The following ZC3H18 variants were observed in gnomAD, a reference collection of about 807,000 sequenced individuals.
ZC3H18 encodes zinc finger CCCH-type containing 18, also known as zinc finger CCCH domain-containing protein 18.
In ZC3H18, 8 loss-of-function variants were observed where a neutral mutation model predicts 106.1. The ratio of observed to expected loss-of-function variants is 0.08; its 90% CI spans 0.04 to 0.14. ZC3H18 has a LOEUF of 0.14. Among genes scored for constraint, ZC3H18 ranks in the 10% least tolerant of loss-of-function variants. The pLI, the probability that ZC3H18 is intolerant of heterozygous loss-of-function variation, is 1.00. For missense variants in ZC3H18, 1,318 were observed against 1,278.4 expected (o/e 1.03, Z -0.47); for synonymous variants, 635 against 522.1 (o/e 1.22, Z -2.95).
chr16:88,586,807 A>AGGT (rs113134808), intron 3 of ZC3H18, 123 bp downstream of exon 3: 33,868 of 492,620 alleles, frequency 0.069, 1,024 homozygotes, highest in African/African-American at 0.091. Flanking sequence ...ATTACTGGCT[A>AGGT]GGTGGTGGTG....
chr16:88,631,111 C>T lies in ZC3H18; in HGVS notation c.2674C>T (p.Leu892=), dbSNP rs1476909000. The T allele has an allele frequency of 2.5e-6, 4 of 1,612,192 alleles. No individual in the cohort carries two copies. Among genetic ancestry groups the T allele is most frequent in the Non-Finnish European group, 2.5e-6 (3 of 1,180,012 alleles). ...CCCACCCCCTTGTAGGAAGCGCCAG[C>T]TGTCACCCCAGTCCAAGAGCTCCAG... is the stretch of plus-strand genomic sequence containing the variant. The part of the protein sequence containing the change: ...PAAPADRKRQ[L]SPQSKSSSKV... Residue 892 remains leucine, a synonymous_variant, in exon 18 of 18, where the codon CTG becomes TTG. Coordinates refer to ENST00000301011, the MANE Select transcript of ZC3H18 (RefSeq NM_144604.4).
rs117650500 is a variant in ZC3H18 at position 88,574,248 on chromosome 16, C to T, written c.-14-2862C>T. 7.5e-3 allele frequency among the ~76,000 whole-genome samples: 1,147 copies of T among 151,980 alleles called. 22 individuals are homozygous for T. The highest frequency in any genetic ancestry group is 0.011 in the Non-Finnish European group (729 of 67,886). On this transcript the variant is annotated intron_variant, in intron 1 of 17. Transcript: ENST00000301011. ...TTGAGACGGAGTCTCGCTTAGCCAC[C>T]ACCTAGGCTGGAGTGCAGTGGTGTG...
rs777106496 is a variant in ZC3H18 at position 88,611,488 on chromosome 16, GGGAGAA to G, written c.1436_1441del (p.Glu479_Lys480del). ...CGTGACCGCGACCGGGAGAAGGAGC[GGGAGAA>G]GGAGAAGGGGAAGCCCAAGCCCCGC... On this transcript the variant is annotated inframe_deletion, in exon 8 of 18. Transcript: ENST00000301011. 8.6e-5 allele frequency: 133 copies of G among 1,550,722 alleles called. 1 individual carries two copies. Among genetic ancestry groups the G allele is most frequent in the South Asian group, 2.0e-4 (17 of 84,022 alleles).
rs534441322 is a variant in ZC3H18 at position 88,574,284 on chromosome 16, A to G, written c.-14-2826A>G. ...GAGTGCAGTGGTGTGATCTCGGCTC[A>G]CTGCAACCACTGTCTCCCAGGTTCA... On this transcript the variant is annotated intron_variant, in intron 1 of 17. Transcript: ENST00000301011. Among the ~76,000 whole-genome samples the G allele has an allele frequency of 1.1e-4, 16 of 151,568 alleles. 2 individuals carry two copies. The South Asian group carries it at 2.1e-3, about 20-fold the overall frequency.
At chr16:88,598,828 G>T (rs1161717593) in intron 5 of ZC3H18, 116 bp downstream of exon 5, 2 of 870,770 alleles carry the variant, frequency 2.3e-6, no homozygotes. Context: ...GAAGTTAGGC[G>T]TCTGTTTCTG....
intron 3 of ZC3H18, among the ~76,000 whole-genome samples, 195 bp from the exon 4 acceptor site, chr16:88,597,983 G>C (rs918246951): frequency 6.6e-6 from 1 of 152,196 alleles, no homozygotes; most frequent in Admixed American, 6.5e-5. Flanking sequence ...GCCGTGCCTG[G>C]GCAGGTGCAG....
In ZC3H18 at chr16:88,623,302, G is replaced by C; in HGVS notation, c.1751G>C (p.Ser584Thr). 1 of 1,613,814 alleles carries C rather than the reference G, an allele frequency of 6.2e-7. No individual in the cohort carries two copies. Among genetic ancestry groups the C allele is most frequent in the Non-Finnish European group, 8.5e-7 (1 of 1,179,982 alleles). The change falls in exon 10 of 18, where the codon AGC becomes ACC. Residue 584 changes from serine to threonine, a missense_variant. Physicochemically the swap from Ser to Thr is moderately conservative, Grantham distance 58 (BLOSUM62 1). This residue lies in a region of ZC3H18 where 848 missense variants were observed against 821.7 expected (regional missense o/e 1.03). Coordinates refer to ENST00000301011, the MANE Select transcript of ZC3H18 (RefSeq NM_144604.4). ...TCTTCATCCTACAGCTCCTACTCCA[G>C]CCGCTCTTCCAGACACAGCTCGTTC... ...SRSSSYSSYS[S>T]RSSRHSSFSG... is the part of the protein sequence containing the mutation.
intron 8 of ZC3H18, among the ~76,000 whole-genome samples, chr16:88,613,237 A>G (rs1185632529): frequency 6.6e-6 from 1 of 152,148 alleles, no homozygotes; most frequent in Non-Finnish European, 1.5e-5. Flanking sequence ...GATGCACCGC[A>G]TTGCATTTCT....
chr16:88,613,141 A>G (rs924690632), intron 8 of ZC3H18, among the ~76,000 whole-genome samples: 20 of 152,234 alleles, frequency 1.3e-4, no homozygotes, highest in African/African-American at 4.8e-4. Context: ...TGCAATACAC[A>G]GCGTTTTGTA....
Position 88,577,528 on chromosome 16 carries a change from T to G in ZC3H18, c.405T>G (p.Pro135=), listed in dbSNP as rs1424907537. 6.2e-7 allele frequency: 1 copy of G among 1,613,110 alleles called. No individual in the cohort carries two copies. The highest frequency in any genetic ancestry group is 8.5e-7 in the Non-Finnish European group (1 of 1,179,836). The change falls in exon 2 of 18, where the codon CCT becomes CCG. Residue 135 remains proline (P), a synonymous_variant. Coordinates refer to ENST00000301011, the MANE Select transcript of ZC3H18 (RefSeq NM_144604.4). Reference sequence around the variant, plus strand: ...AGCTAGACTACGATGAGGAGGTTCCTGAGGAGCCAGCTCCCGCCGTCCAGG... The same window carrying G: ...AGCTAGACTACGATGAGGAGGTTCCGGAGGAGCCAGCTCCCGCCGTCCAGG... ...EHELDYDEEV[P]EEPAPAVQED...
chr16:88,624,477 C>CAGT (rs1906169427), intron 11 of ZC3H18, 125 bp from the exon 12 acceptor site: 1 of 1,454,128 alleles, frequency 6.9e-7, no homozygotes, highest in African/African-American at 1.4e-5. Context: ...CAGGCACGAG[C>CAGT]GTGCTCACCG....
intron 3 of ZC3H18, among the ~76,000 whole-genome samples, chr16:88,594,428 C>T (rs7201472): frequency 0.87 from 131,685 of 152,206 alleles, 57,177 homozygotes; most frequent in East Asian, 0.95. Flanking sequence ...TTTAAAGATA[C>T]TTCATGTGTG....
chr16:88,590,245 C>T (rs985139713), intron 3 of ZC3H18, among the ~76,000 whole-genome samples: 1 of 152,214 alleles, frequency 6.6e-6, no homozygotes, highest in Admixed American at 6.5e-5. Flanking sequence ...AGCCACTGCT[C>T]AGGCCTCTCT....
intron 2 of ZC3H18, among the ~76,000 whole-genome samples, chr16:88,579,820 C>T (rs1039174783): frequency 6.6e-6 from 1 of 152,178 alleles, no homozygotes; most frequent in African/African-American, 2.4e-5. Context: ...CGCCCCACAT[C>T]CCCCATAGGT....
At chr16:88,580,205 T>TGC (rs1915035902) in intron 2 of ZC3H18, among the ~76,000 whole-genome samples, 1 of 37,146 alleles carries the variant, frequency 2.7e-5, no homozygotes, top group East Asian at 5.7e-4. Flanking sequence ...TGTGTGTGTG[T>TGC]GTGTATATGT....
At chr16:88,585,621 A>G (rs1185518900) in intron 2 of ZC3H18, among the ~76,000 whole-genome samples, 10 of 152,202 alleles carry the variant, frequency 6.6e-5, no homozygotes, top group African/African-American at 2.4e-5. Context: ...TAAGTTGAAT[A>G]ATCAGGAAGA....
At chr16:88,581,320 C>G (rs1283098395) in intron 2 of ZC3H18, among the ~76,000 whole-genome samples, 1 of 152,206 alleles carries the variant, frequency 6.6e-6, no homozygotes, top group South Asian at 2.1e-4. Flanking sequence ...AGCGCTTTCT[C>G]TTCTCTCAGG....
rs528144220 is a variant in ZC3H18, at chr16:88,613,254, G to A, written c.1475+1718G>A. 3.3e-5 allele frequency among the ~76,000 whole-genome samples: 5 copies of A among 152,306 alleles called. No individual in the cohort carries two copies. The South Asian group carries it at 6.2e-4, about 19-fold the overall frequency. ...TGCACCGCATTGCATTTCTCTGTTC[G>A]TCTGTTGATGGACGTTGGGTTGTTT... On this transcript the variant is annotated intron_variant, in intron 8 of 17. Transcript: ENST00000301011.
At chr16:88,599,733 C>A in intron 5 of ZC3H18, 58 bp from the exon 6 acceptor site, 1 of 1,558,960 alleles carries the variant, frequency 6.4e-7, no homozygotes, top group Non-Finnish European at 8.7e-7. Flanking sequence ...TTTGTGTTTC[C>A]TAACAGCGAC....
Sources: allele counts gnomAD v4.1 joint callset (sites outside exome capture counted in the v4.1 genomes callset), GRCh38; gene constraint gnomAD v4.1.1; regional missense constraint gnomAD v4.1.1; transcripts MANE v1.5; gene names NCBI Gene and HGNC (gene_info 2026-07-23, HGNC 2026-07-21).